Variants in PKHD1L1 observed in about 807,000 individuals in gnomAD.
The protein encoded by PKHD1L1 is PKHD1 like 1.
PKHD1L1 carries 434 observed loss-of-function variants against 462.9 expected under a neutral mutation model. That is an observed-to-expected ratio of 0.94 (90% CI 0.87 to 1.02). PKHD1L1 has a LOEUF of 1.02. PKHD1L1 is among the 50% of genes least tolerant of loss of function. PKHD1L1 has a pLI of 0.00. For missense variants in PKHD1L1, 5,202 were observed against 5,096.1 expected, an observed-to-expected ratio of 1.02 and a Z score of -0.63; for synonymous variants, 1,781 against 1,750.0, an observed-to-expected ratio of 1.02 and a Z score of -0.44.
At chr8:109,492,637 G>A (rs2607630) in intron 62 of PKHD1L1, among the ~76,000 whole-genome samples, 59,384 of 151,524 alleles carry the variant, frequency 0.39, 11,835 homozygotes, top group South Asian at 0.57. Context: ...CATTTATGAG[G>A]TTAAAAATAT....
rs376373713 is a variant in PKHD1L1, at chr8:109,452,832, C to A, written c.6622C>A (p.Leu2208Met). Residue 2208 changes from leucine (L) to methionine (M), a missense_variant, in exon 43 of 78, where the codon CTG becomes ATG. Physicochemically the swap from Leu to Met is conservative, Grantham distance 15. Transcript: ENST00000378402. ...TATTACAAAAGGACAGACCATTCTG[C>A]TGGATCAAAGCACCCCTATTTTGAA... is the stretch of plus-strand genomic sequence containing the variant. ...VVITKGQTIL[L>M]DQSTPILKML... is the part of the protein sequence containing the mutation. 1.3e-5 allele frequency: 20 copies of A among 1,522,502 alleles called. 1 individual carries two copies. The South Asian group carries it at 1.8e-4, about 13-fold the overall frequency. The allele number at this position is 1,522,502 out of a possible 1,614,324, so 94.3% of individuals were successfully genotyped here. A position where few individuals can be genotyped will look rare whatever the true frequency, so the allele number is the denominator to read the frequency against.
At position 109,443,663 on chromosome 8, in the gene PKHD1L1, C is replaced by A; in HGVS notation, c.4565-13C>A. ...GTTATTCATGACTTAACGGGCAGTT[C>A]TTTTGTCTAAAGGAGGACCTGAGAA... On this transcript the variant is annotated splice_polypyrimidine_tract_variant and intron_variant, in intron 36 of 77. Transcript: ENST00000378402. 6.3e-7 allele frequency: 1 copy of A among 1,596,282 alleles called. No individual in the cohort carries two copies. Among genetic ancestry groups the A allele is most frequent in the Non-Finnish European group, 8.5e-7 (1 of 1,171,418 alleles).
At chr8:109,476,421 A>G (rs776001840) in intron 51 of PKHD1L1, 87 bp from the exon 52 acceptor site, 156 of 893,258 alleles carry the variant, frequency 1.7e-4, no homozygotes, top group Non-Finnish European at 2.3e-4. Context: ...TTAACATAAT[A>G]TAGGGGCTAA....
At chr8:109,374,359 C>G (rs906384700) in intron 2 of PKHD1L1, among the ~76,000 whole-genome samples, 1 of 152,108 alleles carries the variant, frequency 6.6e-6, no homozygotes, top group Admixed American at 6.6e-5. Context: ...CTTGGTAGAT[C>G]GTCCTCCATC....
intron 20 of PKHD1L1, 22 bp from the exon 21 acceptor site, chr8:109,413,399 T>C (rs1813963170): frequency 6.9e-7 from 1 of 1,439,298 alleles, no homozygotes; most frequent in African/African-American, 1.4e-5. Context: ...TTGTTACCAA[T>C]GTTTTTCATA....
At position 109,531,077 on chromosome 8, in the gene PKHD1L1, C is replaced by T. The variant is rs760650589; in HGVS notation, c.*987C>T. Among the ~76,000 whole-genome samples, 1 of 152,200 alleles carries T rather than the reference C, an allele frequency of 6.6e-6. No homozygotes were observed. Among genetic ancestry groups the T allele is most frequent in the African/African-American group, 2.4e-5 (1 of 41,448 alleles). ...AATTTGACAGAACTCCTAATAAAGA[C>T]ATTGTAGCCAGATCCAGAGCCTTCC... On this transcript the variant is annotated 3_prime_UTR_variant, in exon 78 of 78. Transcript: ENST00000378402.
chr8:109,525,513 G>A (rs1820772442), intron 76 of PKHD1L1, among the ~76,000 whole-genome samples: 1 of 152,150 alleles, frequency 6.6e-6, no homozygotes, highest in Non-Finnish European at 1.5e-5. Context: ...TGCGGCTTCA[G>A]CTGGGAATTT....
chr8:109,501,274 G>A (rs1467445377), intron 67 of PKHD1L1, among the ~76,000 whole-genome samples: 1 of 152,130 alleles, frequency 6.6e-6, no homozygotes, highest in Non-Finnish European at 1.5e-5. Flanking sequence ...TATGATTGGA[G>A]CAATTCTTCC....
chr8:109,405,279 A>G, intron 16 of PKHD1L1, 149 bp downstream of exon 16: 1 of 494,632 alleles, frequency 2.0e-6, no homozygotes. Flanking sequence ...TATGGAAAAA[A>G]GCCTTCAGAC....
At chr8:109,449,663 T>C (rs563226247) in intron 40 of PKHD1L1, among the ~76,000 whole-genome samples, 176 bp downstream of exon 40, 2 of 152,342 alleles carry the variant, frequency 1.3e-5, no homozygotes, top group East Asian at 1.9e-4. Context: ...CTTTTGAGAT[T>C]CATAAATTGC....
intron 46 of PKHD1L1, among the ~76,000 whole-genome samples, 161 bp from the exon 47 acceptor site, chr8:109,459,434 A>G (rs1417862595): frequency 8.3e-6 from 1 of 120,146 alleles, no homozygotes; most frequent in African/African-American, 2.7e-5. Flanking sequence ...TAATCAAGCA[A>G]GAATAAAATA....
Position 109,504,410 on chromosome 8 carries a change from C to G in PKHD1L1, c.10912C>G (p.Gln3638Glu). 1 of 1,559,772 alleles carries G rather than the reference C, an allele frequency of 6.4e-7. No individual in the cohort carries two copies. Among genetic ancestry groups the G allele is most frequent in the Non-Finnish European group, 8.8e-7 (1 of 1,142,106 alleles). Residue 3638 changes from glutamine (Q) to glutamate (E), a missense_variant, in exon 68 of 78, where the codon CAG becomes GAG. Physicochemically the swap from Gln to Glu is conservative, Grantham distance 29. Transcript: ENST00000378402. Reference sequence around the variant, plus strand: ...TACTAACCCTTTAAATGAGGATTTACAGCATCCAATCCATGTGAAGAATAT... The same window carrying G: ...TACTAACCCTTTAAATGAGGATTTAGAGCATCCAATCCATGTGAAGAATAT... The part of the protein sequence containing the change: ...FITNPLNEDL[Q>E]HPIHVKNIKL...
chr8:109,385,660 A>C lies in PKHD1L1; in HGVS notation c.569+30A>C, dbSNP rs769617071. ...TCTTTTGATGTGGAAATATATTCTT[A>C]TAACTCATAAATGAGAAGTAATATT... On this transcript the variant is annotated intron_variant, in intron 6 of 77. Coordinates refer to ENST00000378402, the MANE Select transcript of PKHD1L1 (RefSeq NM_177531.6). 5 of 1,375,318 alleles carry C rather than the reference A, an allele frequency of 3.6e-6. No individual in the cohort carries two copies. In the South Asian group the frequency reaches 6.2e-5, roughly 17 times the overall value. The allele number at this position is 1,375,318 out of a possible 1,614,324, so 85.2% of individuals were successfully genotyped here. A position where few individuals can be genotyped will look rare whatever the true frequency, so the allele number is the denominator to read the frequency against.
rs1815603118 is a variant in PKHD1L1 at position 109,438,894 on chromosome 8, CAGG to C, written c.3761_3763del (p.Gly1254del). 1.9e-6 allele frequency: 3 copies of C among 1,576,830 alleles called. No individual in the cohort carries two copies. Among genetic ancestry groups the C allele is most frequent in the Non-Finnish European group, 2.6e-6 (3 of 1,159,528 alleles). ...CATTATTTTTTAAATTTTAAAATAC[CAGG>C]AGAAGTTAATTTAACAATTAAGGGC... On this transcript the variant is annotated splice_acceptor_variant and coding_sequence_variant, in exon 32 of 78. Coordinates refer to ENST00000378402, the MANE Select transcript of PKHD1L1 (RefSeq NM_177531.6). LOFTEE classifies it high-confidence loss of function.
At chr8:109,391,206 T>C (rs924607339) in intron 9 of PKHD1L1, among the ~76,000 whole-genome samples, 13 of 152,200 alleles carry the variant, frequency 8.5e-5, no homozygotes, top group Admixed American at 2.0e-4. Flanking sequence ...TGTTATCATC[T>C]ACCCTGTGTT....
intron 15 of PKHD1L1, 107 bp from the exon 16 acceptor site, chr8:109,404,888 T>C (rs1813452625): frequency 9.2e-7 from 1 of 1,090,228 alleles, no homozygotes; most frequent in South Asian, 2.0e-5. Context: ...TTACTTGTCA[T>C]TTGTAGTAAA....
At chr8:109,515,102 A>G in intron 71 of PKHD1L1, 68 bp from the exon 72 acceptor site, 1 of 1,238,340 alleles carries the variant, frequency 8.1e-7, no homozygotes. Flanking sequence ...ATATTGAAGG[A>G]CGGTTTAAGT....
At chr8:109,502,580 A>G (rs926464809) in intron 67 of PKHD1L1, among the ~76,000 whole-genome samples, 1 of 152,158 alleles carries the variant, frequency 6.6e-6, no homozygotes, top group Non-Finnish European at 1.5e-5. Flanking sequence ...GAACCCAACC[A>G]TCTCTTAAGT....
At chr8:109,466,534 C>G (rs1198959745) in intron 49 of PKHD1L1, 44 bp from the exon 50 acceptor site, 2 of 1,500,598 alleles carry the variant, frequency 1.3e-6, no homozygotes, top group Non-Finnish European at 1.8e-6. Context: ...TTTTATGTTT[C>G]TTAATGTGAA....
Sources: gnomAD v4.1 joint callset for allele counts (sites outside exome capture counted in the v4.1 genomes callset) on GRCh38, gnomAD v4.1.1 for gene constraint, MANE v1.5 for transcripts, NCBI Gene and HGNC (gene_info 2026-07-23, HGNC 2026-07-21) for gene names.